Variants in ZDHHC21 observed in about 807,000 individuals in gnomAD.
ZDHHC21 encodes the protein zDHHC palmitoyltransferase 21.
ZDHHC21 carries 15 observed loss-of-function variants against 34.6 expected under a neutral mutation model. The observed-to-expected ratio is 0.43, with a 90% CI of 0.29 to 0.67. ZDHHC21 has a LOEUF of 0.67. ZDHHC21 is among the 30% of genes least tolerant of loss of function. The pLI, the probability that ZDHHC21 is intolerant of heterozygous loss-of-function variation, is 0.14. For synonymous variants in ZDHHC21, 142 were observed against 101.8 expected, an observed-to-expected ratio of 1.40 and a Z score of -2.38; for missense variants, 344 against 327.7, an observed-to-expected ratio of 1.05 and a Z score of -0.38.
At chr9:14,676,628 A>G (rs1836430094) in intron 3 of ZDHHC21, among the ~76,000 whole-genome samples, 1 of 152,048 alleles carries the variant, frequency 6.6e-6, no homozygotes, top group Non-Finnish European at 1.5e-5. Flanking sequence ...CTAAACTAAT[A>G]AAAGTTTCAT....
At chr9:14,687,928 G>T (rs1390124825) in intron 2 of ZDHHC21, among the ~76,000 whole-genome samples, 2 of 150,772 alleles carry the variant, frequency 1.3e-5, no homozygotes, top group Non-Finnish European at 1.5e-5. Flanking sequence ...ACAGCCAAAT[G>T]AATTTAGAAA....
intron 3 of ZDHHC21, among the ~76,000 whole-genome samples, chr9:14,675,032 A>G (rs1294447487): frequency 2.0e-5 from 3 of 151,982 alleles, no homozygotes; most frequent in African/African-American, 7.2e-5. Context: ...ATGACAATAA[A>G]AAGTGAAAAC....
At chr9:14,597,979 G>A in the ZDHHC21 span, among the ~76,000 whole-genome samples, 18 of 152,138 alleles carry the variant, frequency 1.2e-4, no homozygotes, top group African/African-American at 3.9e-4. Context: ...CACTGCCACC[G>A]CAACTGGTGC....
chr9:14,629,994 C>A (rs1350729643), intron 8 of ZDHHC21, among the ~76,000 whole-genome samples: 1 of 152,086 alleles, frequency 6.6e-6, no homozygotes, highest in African/African-American at 2.4e-5. Flanking sequence ...TGCAGTGAGC[C>A]GAGATCACGC....
intron 1 of ZDHHC21, among the ~76,000 whole-genome samples, chr9:14,691,834 G>C (rs760007207): frequency 3.9e-5 from 6 of 152,040 alleles, no homozygotes; most frequent in Non-Finnish European, 7.4e-5. Context: ...CTAATACTTC[G>C]TATATGTTTT....
At chr9:14,675,661 G>A (rs1261943544) in intron 3 of ZDHHC21, among the ~76,000 whole-genome samples, 1 of 151,850 alleles carries the variant, frequency 6.6e-6, no homozygotes, top group African/African-American at 2.4e-5. Flanking sequence ...CAATGATGAA[G>A]AAGACATGGT....
intron 8 of ZDHHC21, among the ~76,000 whole-genome samples, chr9:14,630,086 A>G (rs1185782524): frequency 2.0e-5 from 3 of 152,192 alleles, no homozygotes; most frequent in African/African-American, 4.8e-5. Flanking sequence ...AGTCTGCTGC[A>G]TAGGTTGACT....
In ZDHHC21 at chr9:14,670,405, T is replaced by A. The variant is rs571046688; in HGVS notation, c.253+2425A>T. Among the ~76,000 whole-genome samples, 119 of 152,256 alleles carry A rather than the reference T, an allele frequency of 7.8e-4. 1 individual carries two copies. The highest frequency in any genetic ancestry group is 1.4e-3 in the Non-Finnish European group (94 of 68,004). ...GAATAATTTTTACAATTTTAAATTA[T>A]TGAAAATAACAATTTGTGACATGTA... is the stretch of plus-strand genomic sequence containing the variant. On this transcript the variant is annotated intron_variant, in intron 5 of 9. Transcript: ENST00000380916.
chr9:14,624,302 GA>G (rs898335175), intron 8 of ZDHHC21, among the ~76,000 whole-genome samples: 8 of 152,008 alleles, frequency 5.3e-5, no homozygotes, highest in Admixed American at 4.6e-4. Flanking sequence ...GTGGGGTCCA[GA>G]AATCAATCCC....
rs550075193 is a variant in ZDHHC21, at chr9:14,615,739, T to C, written c.*3227A>G. 7 of 151,734 alleles carry C rather than the reference T, an allele frequency of 4.6e-5. No homozygotes were observed. In the South Asian group the frequency reaches 1.5e-3, roughly 31 times the overall value. 9.4% of individuals were successfully genotyped at this position (151,734 alleles called of 1,614,324 possible). On this transcript the variant is annotated 3_prime_UTR_variant, in exon 10 of 10. Transcript: ENST00000380916. The stretch of plus-strand genomic sequence containing the variant: ...TTGCAGAAAACAACAATGACAAATA[T>C]GATTGTTAAGGAGGTGTAACTTACA...
intron 5 of ZDHHC21, among the ~76,000 whole-genome samples, chr9:14,663,399 T>C (rs142052601): frequency 2.1e-3 from 323 of 151,622 alleles, no homozygotes; most frequent in African/African-American, 7.3e-3. Flanking sequence ...TGCTGACATA[T>C]GAAAAGTCTA....
At chr9:14,683,979 A>C (rs540852095) in intron 2 of ZDHHC21, among the ~76,000 whole-genome samples, 1 of 152,262 alleles carries the variant, frequency 6.6e-6, no homozygotes, top group Non-Finnish European at 1.5e-5. Context: ...GATGCAGAAA[A>C]GGCCTTTGAC....
intron 5 of ZDHHC21, among the ~76,000 whole-genome samples, chr9:14,668,163 CA>C (rs1834825258): frequency 8.4e-6 from 1 of 118,752 alleles, no homozygotes; most frequent in African/African-American, 3.2e-5. Flanking sequence ...TCTCAGGATA[CA>C]AAATCAATGT....
intron 6 of ZDHHC21, among the ~76,000 whole-genome samples, chr9:14,661,961 T>A (rs1833477838): frequency 6.6e-6 from 1 of 152,182 alleles, no homozygotes; most frequent in Admixed American, 6.5e-5. Context: ...ACCACCTTAA[T>A]CCTTTTGTAT....
intron 8 of ZDHHC21, chr9:14,622,795 A>T: frequency 6.3e-6 from 6 of 951,796 alleles, no homozygotes; most frequent in Non-Finnish European, 7.5e-6. Flanking sequence ...CCTGCAAACA[A>T]TTTCAAAATG....
intron 7 of ZDHHC21, among the ~76,000 whole-genome samples, chr9:14,643,229 C>G (rs1308514978): frequency 6.6e-6 from 1 of 152,076 alleles, no homozygotes; most frequent in Non-Finnish European, 1.5e-5. Flanking sequence ...GCCTGGGCAA[C>G]AGAGTGAGAC....
rs568533047 is a variant in ZDHHC21, at chr9:14,616,007, ACT to A, written c.*2957_*2958del. On this transcript the variant is annotated 3_prime_UTR_variant, in exon 10 of 10. Transcript: ENST00000380916. ...AATTGTTACTAAAACTATAGATATA[ACT>A]CTGCGAAATGTAAAAAAAAGAACAA... is the stretch of plus-strand genomic sequence containing the variant. The A allele has an allele frequency of 5.7e-4, 86 of 151,716 alleles. No homozygotes were observed. Among genetic ancestry groups the A allele is most frequent in the African/African-American group, 1.8e-3 (74 of 41,512 alleles). 9.4% of individuals were successfully genotyped at this position (151,716 alleles called of 1,614,324 possible).
At chr9:14,603,090 T>A in the ZDHHC21 span, among the ~76,000 whole-genome samples, 5 of 152,068 alleles carry the variant, frequency 3.3e-5, no homozygotes, top group Non-Finnish European at 5.9e-5. Context: ...TTTTGGGTGA[T>A]TGAATATTCC....
intron 6 of ZDHHC21, among the ~76,000 whole-genome samples, chr9:14,661,150 T>C (rs1299555399): frequency 6.6e-6 from 1 of 152,228 alleles, no homozygotes; most frequent in Non-Finnish European, 1.5e-5. Context: ...AAAATTTTTA[T>C]GTAGTAACAA....
Sources: allele counts gnomAD v4.1 joint callset (sites outside exome capture counted in the v4.1 genomes callset), GRCh38; gene constraint gnomAD v4.1.1; transcripts MANE v1.5; gene names NCBI Gene and HGNC (gene_info 2026-07-23, HGNC 2026-07-21).